Variants in ARSJ observed in about 807,000 individuals in gnomAD.
The protein encoded by ARSJ is arylsulfatase family member J.
A neutral mutation model predicts 35.9 loss-of-function variants in ARSJ; 26 were observed. The ratio of observed to expected loss-of-function variants is 0.72; its 90% CI spans 0.53 to 1.00. ARSJ has a LOEUF of 1.00. Ranked by LOEUF, ARSJ falls within the 50% of genes least tolerant of loss-of-function variation. The pLI is 0.00. For missense variants in ARSJ, 667 were observed against 723.6 expected (o/e 0.92, Z 0.90); for synonymous variants, 294 against 267.6 (o/e 1.10, Z -0.96).
intron 1 of ARSJ, among the ~76,000 whole-genome samples, chr4:113,952,542 G>A (rs1016537558): frequency 1.3e-5 from 2 of 151,996 alleles, no homozygotes; most frequent in Non-Finnish European, 2.9e-5. Flanking sequence ...TCAATTTAGC[G>A]AACTGTTCCT....
chr4:113,909,637 A>T (rs1388509209), intron 1 of ARSJ, among the ~76,000 whole-genome samples: 1 of 152,058 alleles, frequency 6.6e-6, no homozygotes, highest in Non-Finnish European at 1.5e-5. Flanking sequence ...GTGAAGAAGG[A>T]TGTGTTTGCT....
intron 1 of ARSJ, among the ~76,000 whole-genome samples, chr4:113,976,721 A>T (rs1727614150): frequency 6.6e-6 from 1 of 152,232 alleles, no homozygotes; most frequent in Admixed American, 6.5e-5. Context: ...TGTCTATAAA[A>T]GTTATACAAC....
At chr4:113,910,435 A>C (rs2099670109) in intron 1 of ARSJ, among the ~76,000 whole-genome samples, 1 of 152,202 alleles carries the variant, frequency 6.6e-6, no homozygotes, top group South Asian at 2.1e-4. Context: ...GCGAGTAAAA[A>C]ATAGGCCAAT....
Position 113,901,276 on chromosome 4 carries a change from A to C in ARSJ, c.*998T>G, listed in dbSNP as rs1386521091. 6.6e-6 allele frequency: 1 copy of C among 152,192 alleles called. No homozygotes were observed. The highest frequency in any genetic ancestry group is 6.5e-5 in the Admixed American group (1 of 15,280). The allele number at this position is 152,192 out of a possible 1,614,324, so 9.4% of individuals were successfully genotyped here. On this transcript the variant is annotated 3_prime_UTR_variant, in exon 2 of 2. Coordinates refer to ENST00000315366, the MANE Select transcript of ARSJ (RefSeq NM_024590.4). The stretch of plus-strand genomic sequence containing the variant: ...TGTCTCAACTCTGCACAAACATTGA[A>C]TTTCCAAGTAATTTGTAAGGAATAT...
intron 1 of ARSJ, among the ~76,000 whole-genome samples, chr4:113,919,038 A>C (rs796071244): frequency 2.8e-4 from 42 of 152,292 alleles, no homozygotes; most frequent in African/African-American, 1.0e-3. Context: ...AAATTTTTCC[A>C]TACTGCTCTC....
chr4:113,968,149 C>A (rs1039100229), intron 1 of ARSJ, among the ~76,000 whole-genome samples: 2 of 151,968 alleles, frequency 1.3e-5, no homozygotes, highest in Non-Finnish European at 2.9e-5. Flanking sequence ...TCATAATAAC[C>A]CCATGAGGTA....
At chr4:113,970,578 A>C (rs1441283097) in intron 1 of ARSJ, 1 of 152,368 alleles carries the variant, frequency 6.6e-6, no homozygotes, top group African/African-American at 2.4e-5. Flanking sequence ...TTTGGTAGCC[A>C]GTGGGGGACC....
At position 113,978,815 on chromosome 4, in the gene ARSJ, G is replaced by T. The variant is rs1727755143; in HGVS notation, c.20C>A (p.Ala7Glu). 5 of 1,608,908 alleles carry T rather than the reference G, an allele frequency of 3.1e-6. No individual in the cohort carries two copies. In the Admixed American group the frequency reaches 5.1e-5, roughly 16 times the overall value. MAPRGCAGHPPPPSPQA... is the reference protein window; with the variant it reads MAPRGCEGHPPPPSPQA... ...TGGAGAAGGCGGAGGCGGATGCCCC[G>T]CACAGCCCCTGGGAGCCATTCACTC... The change falls in exon 1 of 2, where the codon GCG becomes GAG. Residue 7 changes from alanine (A) to glutamate (E), a missense_variant. Physicochemically the swap from Ala to Glu is moderately radical, Grantham distance 107. Coordinates refer to ENST00000315366, the MANE Select transcript of ARSJ (RefSeq NM_024590.4).
In ARSJ at chr4:113,903,093, A is replaced by G; in HGVS notation, c.981T>C (p.Asp327=). 6.2e-7 allele frequency: 1 copy of G among 1,614,196 alleles called. No homozygotes were observed. The highest frequency in any genetic ancestry group is 8.5e-7 in the Non-Finnish European group (1 of 1,180,032). ...CTCCTGCCGTAGGCTGGCCACCATT[A>G]TCTGAAGAGTAAATGATAATGCTGT... ...YNNSIIIYSS[D]NGGQPTAGGS... The change falls in exon 2 of 2, where the codon GAT becomes GAC. Residue 327 remains aspartate, a synonymous_variant. Coordinates refer to ENST00000315366, the MANE Select transcript of ARSJ (RefSeq NM_024590.4).
chr4:113,961,074 G>C (rs1726511552), intron 1 of ARSJ, among the ~76,000 whole-genome samples: 1 of 152,040 alleles, frequency 6.6e-6, no homozygotes, highest in Non-Finnish European at 1.5e-5. Context: ...TCCTCTAGGT[G>C]AAAAATAAGT....
At chr4:113,921,700 T>C (rs1043844511) in intron 1 of ARSJ, among the ~76,000 whole-genome samples, 5 of 152,182 alleles carry the variant, frequency 3.3e-5, no homozygotes, top group African/African-American at 1.2e-4. Context: ...GCCTAGCTTC[T>C]CTTCTTAGTC....
Position 113,903,288 on chromosome 4 carries a change from A to T in ARSJ, c.786T>A (p.Tyr262Ter). ...SHNPTKPIFL[Y>*]IAYQAVHSPL... is the part of the protein sequence containing the mutation. ...GTGAATGAACAGCTTGATAGGCAATATATAAAAATATAGGCTTTGTGGGGT... is the reference window on the plus strand; with the variant it reads ...GTGAATGAACAGCTTGATAGGCAATTTATAAAAATATAGGCTTTGTGGGGT... The change falls in exon 2 of 2, where the codon TAT becomes TAA. Residue 262 changes from tyrosine (Y) to a stop codon, truncating the protein, a stop_gained. Coordinates refer to ENST00000315366, the MANE Select transcript of ARSJ (RefSeq NM_024590.4). LOFTEE classifies it high-confidence loss of function. 6.2e-7 allele frequency: 1 copy of T among 1,614,178 alleles called. No homozygotes were observed. Among genetic ancestry groups the T allele is most frequent in the Non-Finnish European group, 8.5e-7 (1 of 1,180,028 alleles).
intron 1 of ARSJ, among the ~76,000 whole-genome samples, chr4:113,945,586 T>C (rs1725427104): frequency 6.6e-6 from 1 of 152,076 alleles, no homozygotes; most frequent in South Asian, 2.1e-4. Flanking sequence ...AAGACATTCA[T>C]CCTATAGGGG....
In ARSJ at chr4:113,902,164, G is replaced by A. The variant is rs1421816955; in HGVS notation, c.*110C>T. 1.9e-6 allele frequency: 3 copies of A among 1,598,538 alleles called. No individual in the cohort carries two copies. In the African/African-American group the frequency reaches 4.0e-5, roughly 21 times the overall value. On this transcript the variant is annotated 3_prime_UTR_variant, in exon 2 of 2. Coordinates refer to ENST00000315366, the MANE Select transcript of ARSJ (RefSeq NM_024590.4). ...CTGGAGTGGCACAGCATGAAAACAAGCCTGACGCTTAGGCCAGCGATATTA... is the reference window on the plus strand; with the variant it reads ...CTGGAGTGGCACAGCATGAAAACAAACCTGACGCTTAGGCCAGCGATATTA...
chr4:113,927,326 T>C (rs1484411345), intron 1 of ARSJ, among the ~76,000 whole-genome samples: 1 of 152,302 alleles, frequency 6.6e-6, no homozygotes, highest in East Asian at 1.9e-4. Context: ...TGGATTTATT[T>C]CCCATCATCT....
intron 1 of ARSJ, among the ~76,000 whole-genome samples, chr4:113,952,284 C>T (rs1305370763): frequency 1.3e-5 from 2 of 152,036 alleles, no homozygotes; most frequent in Admixed American, 6.6e-5. Context: ...TAATAATCAC[C>T]AATTCCTGTA....
intron 1 of ARSJ, among the ~76,000 whole-genome samples, chr4:113,934,124 T>C (rs1309068853): frequency 1.3e-5 from 2 of 151,764 alleles, no homozygotes; most frequent in South Asian, 4.1e-4. Context: ...GGCAAGGATG[T>C]GGAGAAAGGG....
chr4:113,968,243 T>C (rs1056611773), intron 1 of ARSJ, among the ~76,000 whole-genome samples: 10 of 152,186 alleles, frequency 6.6e-5, no homozygotes, highest in Non-Finnish European at 1.5e-5. Context: ...ATAAGTTCTT[T>C]GCTTTTAATC....
rs764531064 is a variant in ARSJ at position 113,902,954 on chromosome 4, G to A, written c.1120C>T (p.Leu374Phe). Residue 374 changes from leucine (L) to phenylalanine (F), a missense_variant, in exon 2 of 2, where the codon CTT becomes TTT. Coordinates refer to ENST00000315366, the MANE Select transcript of ARSJ (RefSeq NM_024590.4). The stretch of plus-strand genomic sequence containing the variant: ...GGGTACCAGTCAGTGATGTGCACAA[G>A]TTCCTTACACACTGTTCCCTTGTTT... ...LKNKGTVCKE[L>F]VHITDWYPTL... 4.3e-6 allele frequency: 7 copies of A among 1,614,078 alleles called. No individual in the cohort carries two copies. The highest frequency in any genetic ancestry group is 5.9e-6 in the Non-Finnish European group (7 of 1,180,038).
Sources: gnomAD v4.1 joint callset for allele counts (sites outside exome capture counted in the v4.1 genomes callset) on GRCh38, gnomAD v4.1.1 for gene constraint, MANE v1.5 for transcripts, NCBI Gene and HGNC (gene_info 2026-07-23, HGNC 2026-07-21) for gene names.